The following WNK2 variants were observed in gnomAD, a reference collection of about 807,000 sequenced individuals.
The protein encoded by WNK2 is serine/threonine-protein kinase WNK2.
A neutral mutation model predicts 192.1 loss-of-function variants in WNK2; 67 were observed. The ratio of observed to expected loss-of-function variants is 0.35; its 90% CI spans 0.29 to 0.43. The LOEUF (loss-of-function observed/expected upper bound fraction) is 0.43. Among genes scored for constraint, WNK2 ranks in the 20% least tolerant of loss-of-function variants. The pLI, the probability that WNK2 is intolerant of heterozygous loss-of-function variation, is 1.00. For missense variants in WNK2, 2,698 were observed against 3,089.7 expected (o/e 0.87, Z 3.01); for synonymous variants, 1,439 against 1,393.9 (o/e 1.03, Z -0.72).
chr9:93,277,535 T>G lies in WNK2; in HGVS notation c.4033+8789T>G, dbSNP rs189127269. Among the ~76,000 whole-genome samples the G allele has an allele frequency of 2.6e-5, 4 of 152,324 alleles. No individual in the cohort carries two copies. In the East Asian group the frequency reaches 7.7e-4, roughly 29 times the overall value. On this transcript the variant is annotated intron_variant, in intron 19 of 29. Transcript: ENST00000427277. ...AAGAAATATATCATTGGTAAATTGA[T>G]CAACATGGGTGAACCTCAAAGGCAT... is the stretch of plus-strand genomic sequence containing the variant.
At chr9:93,294,487 C>T (rs975323735) in intron 23 of WNK2, among the ~76,000 whole-genome samples, 1 of 152,150 alleles carries the variant, frequency 6.6e-6, no homozygotes, top group Non-Finnish European at 1.5e-5. Context: ...GGCAGCAGAT[C>T]CTGGGCACAT....
chr9:93,302,744 A>G (rs1851831775), intron 26 of WNK2, among the ~76,000 whole-genome samples: 1 of 152,130 alleles, frequency 6.6e-6, no homozygotes, highest in African/African-American at 2.4e-5. Flanking sequence ...AGGACAGGGA[A>G]TAAAGCAGTG....
At chr9:93,290,219 G>A (rs2133827806) in intron 21 of WNK2, among the ~76,000 whole-genome samples, 172 bp downstream of exon 21, 1 of 152,294 alleles carries the variant, frequency 6.6e-6, no homozygotes, top group Non-Finnish European at 1.5e-5. Flanking sequence ...CCCAGACACA[G>A]CAGGAGTCTG....
chr9:93,297,771 C>T lies in WNK2; in HGVS notation c.5709-82C>T, dbSNP rs889115002. On this transcript the variant is annotated intron_variant, in intron 23 of 29. Coordinates refer to ENST00000427277, the MANE Select transcript of WNK2 (RefSeq NM_006648.4). ...CCACCCTTCATCCCATGTTCTCCCA[C>T]GCCACCTCCCTCCTGGAGGAGCTGG... The T allele has an allele frequency of 5.1e-5, 73 of 1,431,100 alleles. 1 individual carries two copies. Among genetic ancestry groups the T allele is most frequent in the South Asian group, 6.4e-5 (5 of 77,586 alleles). 88.7% of individuals were successfully genotyped at this position (1,431,100 alleles called of 1,614,324 possible).
At position 93,229,839 on chromosome 9, in the gene WNK2, G is replaced by T; in HGVS notation, c.825G>T (p.Thr275=). ...GCAAGCGGTGCATTGTGCTGGTGAC[G>T]GAGCTGATGACCTCAGGGACGCTGA... The part of the protein sequence containing the change: ...AKGKRCIVLV[T]ELMTSGTLKT... The change falls in exon 3 of 30, where the codon ACG becomes ACT. Residue 275 remains threonine (T), a synonymous_variant. Transcript: ENST00000427277. The surrounding 1 kb of genome is among the most constrained non-coding windows in gnomAD (Gnocchi z 4.9). The T allele has an allele frequency of 6.2e-7, 1 of 1,613,884 alleles. No individual in the cohort carries two copies. The highest frequency in any genetic ancestry group is 8.5e-7 in the Non-Finnish European group (1 of 1,179,868).
At chr9:93,302,198 A>C (rs541511308) in intron 26 of WNK2, among the ~76,000 whole-genome samples, 1 of 152,290 alleles carries the variant, frequency 6.6e-6, no homozygotes, top group East Asian at 1.9e-4. Flanking sequence ...CAGGGGAAAG[A>C]CTGCAGGGGT....
intron 5 of WNK2, among the ~76,000 whole-genome samples, chr9:93,236,489 G>A (rs1440558095): frequency 6.6e-6 from 1 of 152,236 alleles, no homozygotes; most frequent in African/African-American, 2.4e-5. Context: ...GAAGGAGAAA[G>A]AACGTGATAG....
chr9:93,207,976 C>A (rs1425236388), intron 2 of WNK2, among the ~76,000 whole-genome samples: 2 of 152,214 alleles, frequency 1.3e-5, no homozygotes, highest in East Asian at 3.9e-4. Context: ...GATGCCTGCT[C>A]CCTTCCTCCT....
intron 26 of WNK2, among the ~76,000 whole-genome samples, chr9:93,306,336 GGCGGCCAAGCCCAGCTGT>G (rs1852533887): frequency 6.6e-6 from 1 of 152,184 alleles, no homozygotes; most frequent in Non-Finnish European, 1.5e-5. Context: ...GATGGGCTTC[GGCGGCCAAGCCCAGCTGT>G]GCCCAGCTCC....
chr9:93,306,840 T>TC lies in WNK2; in HGVS notation c.6259+23dup, dbSNP rs773151369. 1 of 1,613,946 alleles carries TC rather than the reference T, an allele frequency of 6.2e-7. No individual in the cohort carries two copies. The highest frequency in any genetic ancestry group is 8.5e-7 in the Non-Finnish European group (1 of 1,179,888). ...AGCAGTAGTAATTATCCGGGTTTTTTCCCCTTTGTCCTCTCTCATCGCATG... is the reference window on the plus strand; with the variant it reads ...AGCAGTAGTAATTATCCGGGTTTTTTCCCCCTTTGTCCTCTCTCATCGCATG... On this transcript the variant is annotated intron_variant, in intron 27 of 29. Transcript: ENST00000427277.
At chr9:93,319,080 T>A in intron 29 of WNK2, 4 of 1,612,850 alleles carry the variant, frequency 2.5e-6, no homozygotes, top group Non-Finnish European at 3.4e-6. Flanking sequence ...GTTCCTTGAG[T>A]GAAGTGGGGG....
intron 2 of WNK2, among the ~76,000 whole-genome samples, chr9:93,194,236 T>G (rs1000893745): frequency 2.6e-5 from 4 of 152,210 alleles, no homozygotes; most frequent in African/African-American, 7.2e-5. Flanking sequence ...AATTAAATGC[T>G]TCTGTTCTGT....
intron 7 of WNK2, among the ~76,000 whole-genome samples, chr9:93,246,049 C>T (rs539664649): frequency 6.6e-5 from 10 of 152,298 alleles, no homozygotes; most frequent in South Asian, 2.1e-4. Flanking sequence ...ACCTACCTGC[C>T]GCCCCCCACC....
In WNK2 at chr9:93,184,151, C is replaced by A. The variant is rs1385171393; in HGVS notation, c.-237C>A. ...ACGGAGCCCCGCCCTCCCCGCGCGC[C>A]GGGTCGGAGCCGGTGCGGGAGCGGA... On this transcript the variant is annotated 5_prime_UTR_variant, in exon 1 of 30. Coordinates refer to ENST00000427277, the MANE Select transcript of WNK2 (RefSeq NM_006648.4). 1.3e-5 allele frequency among the ~76,000 whole-genome samples: 2 copies of A among 150,060 alleles called. No individual in the cohort carries two copies. The highest frequency in any genetic ancestry group is 3.9e-4 in the East Asian group (2 of 5,084).
chr9:93,297,571 G>C (rs757980242), intron 23 of WNK2, among the ~76,000 whole-genome samples: 1 of 152,242 alleles, frequency 6.6e-6, no homozygotes, highest in Non-Finnish European at 1.5e-5. Flanking sequence ...TAAGCATTCC[G>C]AGTCTGGGTA....
rs777628673 is a variant in WNK2, at chr9:93,230,848, G to A, written c.855-40G>A. 15 of 1,585,046 alleles carry A rather than the reference G, an allele frequency of 9.5e-6. No individual in the cohort carries two copies. In the South Asian group the frequency reaches 1.0e-4, roughly 11 times the overall value. On this transcript the variant is annotated intron_variant, in intron 3 of 29. Coordinates refer to ENST00000427277, the MANE Select transcript of WNK2 (RefSeq NM_006648.4). ...GGGGCTTTGCTAGGGGGCCGCTGCC[G>A]GCGAGCTGCTTGGTGAGCTGTGCCC... is the stretch of plus-strand genomic sequence containing the variant.
Position 93,185,245 on chromosome 9 carries a change from G to A in WNK2, c.316G>A (p.Gly106Arg). The change falls in exon 2 of 30, where the codon GGA (glycine) becomes AGA (arginine). Residue 106 changes from glycine to arginine, a missense_variant. Physicochemically the swap from Gly to Arg is moderately radical, Grantham distance 125. Around this residue, in one of 7 missense-constraint regions of WNK2, gnomAD observed 260 missense variants for 285.6 expected, o/e 0.91. Coordinates refer to ENST00000427277, the MANE Select transcript of WNK2 (RefSeq NM_006648.4). ...PAPAALVAQPGAPGAPADAGP... is the reference protein window; with the variant it reads ...PAPAALVAQPRAPGAPADAGP... ...GCCCGCAGCGCTGGTAGCGCAGCCG[G>A]GAGCCCCCGGAGCCCCCGCGGACGC... 8.1e-7 allele frequency: 1 copy of A among 1,228,520 alleles called. No individual in the cohort carries two copies. Among genetic ancestry groups the A allele is most frequent in the Non-Finnish European group, 1.0e-6 (1 of 987,580 alleles). The allele number at this position is 1,228,520 out of a possible 1,614,324, so 76.1% of individuals were successfully genotyped here. A position where few individuals can be genotyped will look rare whatever the true frequency, so the allele number is the denominator to read the frequency against.
chr9:93,306,605 C>G, intron 26 of WNK2, 172 bp from the exon 27 acceptor site: 4 of 774,274 alleles, frequency 5.2e-6, no homozygotes, highest in Non-Finnish European at 8.7e-6. Context: ...CCTGCACCCT[C>G]TCTCCAGGGG....
rs1281231435 is a variant in WNK2, at chr9:93,257,852, G to A, written c.2382+713G>A. The stretch of plus-strand genomic sequence containing the variant: ...AGGGACCTGACTGCATGTAACTGGT[G>A]CAGAATGTAGCCGGGGCCAGGGCAC... On this transcript the variant is annotated intron_variant, in intron 11 of 29. Transcript: ENST00000427277. The surrounding 1 kb of genome is among the most constrained non-coding windows in gnomAD (Gnocchi z 4.7). Among the ~76,000 whole-genome samples the A allele has an allele frequency of 4.6e-5, 7 of 152,232 alleles. No homozygotes were observed. Among genetic ancestry groups the A allele is most frequent in the Non-Finnish European group, 7.3e-5 (5 of 68,042 alleles).
Sources: gnomAD v4.1 joint callset for allele counts (sites outside exome capture counted in the v4.1 genomes callset) on GRCh38, gnomAD v4.1.1 for gene constraint, gnomAD v4.1.1 regional missense constraint, Gnocchi (gnomAD v3.1) non-coding constraint, MANE v1.5 for transcripts, NCBI Gene and HGNC (gene_info 2026-07-23, HGNC 2026-07-21) for gene names.